The following MYO6 variants were observed in gnomAD, a reference collection of about 807,000 sequenced individuals.
The protein encoded by MYO6 is myosin VI.
In MYO6, 74 loss-of-function variants were observed where a neutral mutation model predicts 178.7. That is an observed-to-expected ratio of 0.41 (90% CI 0.34 to 0.50). The LOEUF (loss-of-function observed/expected upper bound fraction) is 0.50. MYO6 is among the 20% of genes least tolerant of loss of function. The pLI is 0.09. For synonymous variants in MYO6, 477 were observed against 504.6 expected (o/e 0.95, Z 0.73); for missense variants, 1,330 against 1,547.4 (o/e 0.86, Z 2.36).
At chr6:75,884,896 T>C (rs780525464) in intron 23 of MYO6, among the ~76,000 whole-genome samples, 12 of 152,210 alleles carry the variant, frequency 7.9e-5, no homozygotes, top group Non-Finnish European at 1.6e-4. Context: ...TTCAGATTCA[T>C]GCAGCTGGAG....
intron 12 of MYO6, 93 bp downstream of exon 12, chr6:75,855,376 G>A (rs556548803): frequency 7.6e-7 from 1 of 1,313,720 alleles, no homozygotes; most frequent in East Asian, 2.5e-5. Flanking sequence ...CCTGAGCTTG[G>A]TAGATCAAAA....
intron 10 of MYO6, among the ~76,000 whole-genome samples, chr6:75,847,396 G>T (rs1774826376): frequency 6.6e-6 from 1 of 152,086 alleles, no homozygotes; most frequent in Admixed American, 6.6e-5. Flanking sequence ...AGTTAATCAT[G>T]ATCCTGTTAT....
At chr6:75,877,834 G>A (rs1175926384) in intron 20 of MYO6, among the ~76,000 whole-genome samples, 2 of 152,166 alleles carry the variant, frequency 1.3e-5, no homozygotes, top group East Asian at 1.9e-4. Flanking sequence ...TGCAAGTGCT[G>A]AGAAAGCAGT....
At chr6:75,784,721 G>C (rs1345907208) in intron 1 of MYO6, among the ~76,000 whole-genome samples, 1 of 146,088 alleles carries the variant, frequency 6.8e-6, no homozygotes, top group African/African-American at 2.6e-5. Flanking sequence ...AGCTTGCAGC[G>C]AGCCGAGGTC....
intron 30 of MYO6, among the ~76,000 whole-genome samples, chr6:75,906,723 C>T (rs766711954): frequency 2.6e-5 from 4 of 152,034 alleles, no homozygotes; most frequent in Admixed American, 6.6e-5. Flanking sequence ...ACCAAAAAAG[C>T]AGGCCTTAAA....
intron 1 of MYO6, among the ~76,000 whole-genome samples, chr6:75,803,961 ATG>A (rs1769742883): frequency 6.6e-6 from 1 of 152,138 alleles, no homozygotes; most frequent in African/African-American, 2.4e-5. Context: ...TGGCACGATC[ATG>A]GCTCACTGCA....
In MYO6 at chr6:75,754,519, C is replaced by CAAA. The variant is rs58162315; in HGVS notation, c.-48+5121_-48+5123dup. ...TGGACGATTGAGTGAGACTCCGTCT[C>CAAA]AAAAAAAAAAAAAAAAAAAAAAAAA... On this transcript the variant is annotated intron_variant, in intron 1 of 34. Transcript: ENST00000369977. Among the ~76,000 whole-genome samples, 89 of 44,172 alleles carry CAAA rather than the reference C, an allele frequency of 2.0e-3. 31 individuals carry two copies. The highest frequency in any genetic ancestry group is 0.053 in the Middle Eastern group (2 of 38). The allele number at this position is 44,172 out of a possible 152,430, so 29.0% of individuals were successfully genotyped here.
chr6:75,775,600 A>G (rs1050463493), intron 1 of MYO6, among the ~76,000 whole-genome samples: 9 of 152,224 alleles, frequency 5.9e-5, no homozygotes, highest in African/African-American at 2.2e-4. Context: ...GTTGGGGAGC[A>G]GATTGCCAAA....
At chr6:75,890,448 G>A (rs925600770) in intron 26 of MYO6, among the ~76,000 whole-genome samples, 183 bp downstream of exon 26, 5 of 152,062 alleles carry the variant, frequency 3.3e-5, no homozygotes, top group Non-Finnish European at 7.4e-5. Flanking sequence ...GGGTTCAATC[G>A]ATTTTCCTGC....
chr6:75,808,859 A>G (rs1355956606), intron 1 of MYO6, among the ~76,000 whole-genome samples: 1 of 152,192 alleles, frequency 6.6e-6, no homozygotes, highest in Non-Finnish European at 1.5e-5. Flanking sequence ...AAAGGTGGGT[A>G]AACTCAAGGC....
intron 1 of MYO6, among the ~76,000 whole-genome samples, chr6:75,757,492 T>G (rs1192042557): frequency 2.7e-5 from 4 of 150,146 alleles, no homozygotes; most frequent in Non-Finnish European, 5.9e-5. Flanking sequence ...GTGATGGGTG[T>G]GGGGAGTCAG....
chr6:75,893,395 C>T (rs1040413503), intron 28 of MYO6, among the ~76,000 whole-genome samples: 5 of 151,864 alleles, frequency 3.3e-5, no homozygotes, highest in African/African-American at 7.3e-5. Context: ...TGTAAGGTTC[C>T]TTTGTATGTA....
intron 1 of MYO6, among the ~76,000 whole-genome samples, chr6:75,775,049 C>T (rs1251775414): frequency 1.3e-5 from 2 of 152,144 alleles, no homozygotes; most frequent in African/African-American, 4.8e-5. Flanking sequence ...CCGCCTCAGC[C>T]TCCCAAAGTG....
intron 9 of MYO6, among the ~76,000 whole-genome samples, chr6:75,844,514 A>G (rs778720123): frequency 2.6e-5 from 4 of 152,102 alleles, no homozygotes. Flanking sequence ...AAATTAAACC[A>G]TACTATCGGT....
chr6:75,900,915 G>A (rs1055383330), intron 30 of MYO6, among the ~76,000 whole-genome samples: 1 of 149,816 alleles, frequency 6.7e-6, no homozygotes, highest in African/African-American at 2.5e-5. Context: ...TTTGTATAAG[G>A]TGTAAGGAAG....
intron 15 of MYO6, among the ~76,000 whole-genome samples, 169 bp from the exon 16 acceptor site, chr6:75,862,427 T>A (rs1008742352): frequency 1.6e-4 from 25 of 152,218 alleles, no homozygotes; most frequent in Non-Finnish European, 4.4e-5. Flanking sequence ...ACGGCCAGAT[T>A]TGAAATAAAA....
intron 26 of MYO6, 141 bp from the exon 27 acceptor site, chr6:75,891,087 T>A (rs1778868264): frequency 1.9e-6 from 1 of 524,072 alleles, no homozygotes. Flanking sequence ...TTATTCAAAA[T>A]AAGTTGATGT....
At position 75,907,726 on chromosome 6, in the gene MYO6, A is replaced by G. The variant is rs563699088; in HGVS notation, c.3280+18A>G. 1.9e-6 allele frequency: 3 copies of G among 1,585,432 alleles called. No homozygotes were observed. The Admixed American group carries it at 5.0e-5, about 26-fold the overall frequency. On this transcript the variant is annotated intron_variant, in intron 31 of 34. Transcript: ENST00000369977. ...TTCTTGTGGTAAGTGTTTGGAGAAG[A>G]TCAAAAATAGAAAATGTTCATAGTG...
chr6:75,790,084 C>G (rs925675016), intron 1 of MYO6, among the ~76,000 whole-genome samples: 2 of 152,010 alleles, frequency 1.3e-5, no homozygotes, highest in African/African-American at 4.8e-5. Context: ...TTTTTTGTGG[C>G]GGAATACTAT....
Sources: gnomAD v4.1 joint callset for allele counts (sites outside exome capture counted in the v4.1 genomes callset) on GRCh38, gnomAD v4.1.1 for gene constraint, MANE v1.5 for transcripts, NCBI Gene and HGNC (gene_info 2026-07-23, HGNC 2026-07-21) for gene names.